The following GPC1 variants were observed in gnomAD, a reference collection of about 807,000 sequenced individuals.
GPC1 encodes the protein glypican-1.
In GPC1, 26 loss-of-function variants were observed where a neutral mutation model predicts 51.5. The observed-to-expected ratio is 0.50, with a 90% confidence interval of 0.37 to 0.70. The LOEUF is 0.70. Among genes scored for constraint, GPC1 ranks in the 30% least tolerant of loss-of-function variants. The pLI is 0.00. For missense variants in GPC1, 775 were observed against 800.5 expected (o/e 0.97, Z 0.38); for synonymous variants, 380 against 348.3 (o/e 1.09, Z -1.01).
intron 1 of GPC1, among the ~76,000 whole-genome samples, chr2:240,439,533 C>T (rs567845204): frequency 7.6e-4 from 116 of 152,356 alleles, no homozygotes; most frequent in Middle Eastern, 6.8e-3. Flanking sequence ...AGCACCCACT[C>T]GTTGGGCCCC....
At chr2:240,439,247 A>G (rs1159580073) in intron 1 of GPC1, among the ~76,000 whole-genome samples, 1 of 151,994 alleles carries the variant, frequency 6.6e-6, no homozygotes, top group African/African-American at 2.4e-5. Flanking sequence ...TTCTCGGAGG[A>G]CACCCCCAGG....
At chr2:240,442,441 G>C (rs1017682830) in intron 1 of GPC1, 1 of 152,270 alleles carries the variant, frequency 6.6e-6, no homozygotes, top group Admixed American at 6.5e-5. Context: ...CGTCCACCAG[G>C]CTGGCCCCTT....
At position 240,452,690 on chromosome 2, in the gene GPC1, C is replaced by T. The variant is rs938700727; in HGVS notation, c.167-6340C>T. On this transcript the variant is annotated intron_variant, in intron 1 of 8. Coordinates refer to ENST00000264039, the MANE Select transcript of GPC1 (RefSeq NM_002081.3). ...GGGCGCAGGGCGGCGGGGACCTGGC[C>T]GGAGGGGCCGGGGCGGCCGCCTGCG... 152 of 151,648 alleles carry T rather than the reference C, an allele frequency of 1.0e-3. 1 individual carries two copies. The highest frequency in any genetic ancestry group is 9.1e-3 in the South Asian group (46 of 5,034). The allele number at this position is 151,648 out of a possible 1,614,324, so 9.4% of individuals were successfully genotyped here.
At position 240,435,670 on chromosome 2, in the gene GPC1, CGGGACTGCGCTAGCCCGCCGCGCT is replaced by C. The variant is rs963095871; in HGVS notation, c.-248_-225del. 63 of 164,930 alleles carry C rather than the reference CGGGACTGCGCTAGCCCGCCGCGCT, an allele frequency of 3.8e-4. No individual in the cohort carries two copies. Among genetic ancestry groups the C allele is most frequent in the Non-Finnish European group, 5.7e-4 (44 of 77,656 alleles). 10.2% of individuals were successfully genotyped at this position (164,930 alleles called of 1,614,324 possible). A position where few individuals can be genotyped will look rare whatever the true frequency, so the allele number is the denominator to read the frequency against. The stretch of plus-strand genomic sequence containing the variant: ...GCCGGCGGCGGGGGAGGCGCCGAGC[CGGGACTGCGCTAGCCCGCCGCGCT>C]CTGGGCTGCCCGAGCGAGCGTTCGG... On this transcript the variant is annotated 5_prime_UTR_variant, in exon 1 of 9. Coordinates refer to ENST00000264039, the MANE Select transcript of GPC1 (RefSeq NM_002081.3).
chr2:240,463,107 C>T (rs1026272635), intron 3 of GPC1, among the ~76,000 whole-genome samples: 2 of 151,214 alleles, frequency 1.3e-5, no homozygotes, highest in Admixed American at 6.6e-5. Flanking sequence ...CCTTGGTTTC[C>T]TCAGCGGCAT....
chr2:240,463,292 G>A lies in GPC1; in HGVS notation c.718-55G>A, dbSNP rs6748792. The A allele has an allele frequency of 3.8e-3, 5,759 of 1,528,594 alleles. 177 individuals are homozygous for A. The African/African-American group carries it at 0.067, about 18-fold the overall frequency. The allele number at this position is 1,528,594 out of a possible 1,614,324, so 94.7% of individuals were successfully genotyped here. A position where few individuals can be genotyped will look rare whatever the true frequency, so the allele number is the denominator to read the frequency against. On this transcript the variant is annotated intron_variant, in intron 3 of 8. Transcript: ENST00000264039. ...CCTGGGGCTTCGTTAGGGGCTGGCC[G>A]GGGCCAGGCACCCCCAGGGCCTCGG...
chr2:240,465,944 TG>T, intron 8 of GPC1, 113 bp from the exon 9 acceptor site: 1 of 665,484 alleles, frequency 1.5e-6, no homozygotes, highest in Non-Finnish European at 2.6e-6. Context: ...CTGCTGGTCC[TG>T]GGATTCCACA....
At position 240,465,546 on chromosome 2, in the gene GPC1, A is replaced by G. The variant is rs763507133; in HGVS notation, c.1342A>G (p.Lys448Glu). The change falls in exon 8 of 9, where the codon AAG becomes GAG. Residue 448 changes from lysine to glutamate, a missense_variant. Physicochemically the swap from Lys to Glu is moderately conservative, Grantham distance 56. Coordinates refer to ENST00000264039, the MANE Select transcript of GPC1 (RefSeq NM_002081.3). ...NNPEVEVDITKPDMTIRQQIM... is the reference protein window; with the variant it reads ...NNPEVEVDITEPDMTIRQQIM... ...CCCCGAGGTGGAGGTGGACATCACCAAGCCGGACATGACCATCCGGCAGCA... is the reference window on the plus strand; with the variant it reads ...CCCCGAGGTGGAGGTGGACATCACCGAGCCGGACATGACCATCCGGCAGCA... The G allele has an allele frequency of 4.3e-6, 7 of 1,613,046 alleles. No homozygotes were observed. In the East Asian group the frequency reaches 1.6e-4, roughly 36 times the overall value.
At position 240,462,206 on chromosome 2, in the gene GPC1, T is replaced by C; in HGVS notation, c.341T>C (p.Leu114Pro). ...LRSFDDHFQH[L>P]LNDSERTLQA... The stretch of plus-strand genomic sequence containing the variant: ...CTGTGCGCAGACCACTTCCAGCACC[T>C]GCTGAACGACTCGGAGCGGACGCTG... Residue 114 changes from leucine (L) to proline (P), a missense_variant, in exon 3 of 9, where the codon CTG becomes CCG. Leu to Pro is a moderately conservative substitution (Grantham distance 98). Transcript: ENST00000264039. The C allele has an allele frequency of 6.3e-7, 1 of 1,599,456 alleles. No individual in the cohort carries two copies. The highest frequency in any genetic ancestry group is 8.5e-7 in the Non-Finnish European group (1 of 1,171,052).
Position 240,459,110 on chromosome 2 carries a change from G to A in GPC1, c.247G>A (p.Ala83Thr), listed in dbSNP as rs1338622780. ...MEENLANRSHAELETALRDSS... is the reference protein window; with the variant it reads ...MEENLANRSHTELETALRDSS... ...GGAGAACCTGGCCAACCGCAGCCATGCCGAGCTGGAGACCGCGCTCCGGGA... is the reference window on the plus strand; with the variant it reads ...GGAGAACCTGGCCAACCGCAGCCATACCGAGCTGGAGACCGCGCTCCGGGA... The change falls in exon 2 of 9, where the codon GCC becomes ACC. Residue 83 changes from alanine (A) to threonine (T), a missense_variant. Transcript: ENST00000264039. 6.2e-6 allele frequency: 10 copies of A among 1,612,732 alleles called. No individual in the cohort carries two copies. In the Admixed American group the frequency reaches 8.3e-5, roughly 13 times the overall value.
intron 1 of GPC1, chr2:240,451,186 G>T: frequency 2.1e-6 from 1 of 471,228 alleles, no homozygotes. Context: ...GGCACCCAAG[G>T]GTTTGCTCTG....
In GPC1 at chr2:240,462,054, C is replaced by G. The variant is rs2074220394; in HGVS notation, c.326-137C>G. On this transcript the variant is annotated intron_variant, in intron 2 of 8. Coordinates refer to ENST00000264039, the MANE Select transcript of GPC1 (RefSeq NM_002081.3). ...TGGATGCCCACAGGGCCCACAGCCGCTGCAGTGTGGCGTCCGACTCCGAGG... is the reference window on the plus strand; with the variant it reads ...TGGATGCCCACAGGGCCCACAGCCGGTGCAGTGTGGCGTCCGACTCCGAGG... 4 of 856,404 alleles carry G rather than the reference C, an allele frequency of 4.7e-6. No homozygotes were observed. The South Asian group carries it at 6.4e-5, about 14-fold the overall frequency. The allele number at this position is 856,404 out of a possible 1,614,324, so 53.1% of individuals were successfully genotyped here.
intron 1 of GPC1, chr2:240,450,456 AG>A: frequency 2.6e-6 from 1 of 390,508 alleles, no homozygotes; most frequent in Middle Eastern, 3.7e-4. Context: ...GACCTTGCAC[AG>A]GTCACTTTAG....
At chr2:240,454,697 T>G (rs2074139985) in intron 1 of GPC1, 1 of 152,804 alleles carries the variant, frequency 6.5e-6, no homozygotes. Context: ...TGACACTGAG[T>G]GTCTAGGACG....
At chr2:240,445,252 G>A (rs1198787898) in intron 1 of GPC1, among the ~76,000 whole-genome samples, 1 of 152,172 alleles carries the variant, frequency 6.6e-6, no homozygotes, top group Non-Finnish European at 1.5e-5. Context: ...AATTTGGGGT[G>A]AGGGGTGGCT....
intron 1 of GPC1, among the ~76,000 whole-genome samples, chr2:240,436,578 G>C (rs997559579): frequency 2.0e-5 from 3 of 152,278 alleles, no homozygotes; most frequent in Non-Finnish European, 4.4e-5. Flanking sequence ...ACCTCTCTGG[G>C]AGGCGTCTCC....
At chr2:240,464,294 G>T (rs992737708) in intron 4 of GPC1, 7 of 368,534 alleles carry the variant, frequency 1.9e-5, no homozygotes, top group South Asian at 1.3e-4. Flanking sequence ...GTGAGCCAGC[G>T]TATGTACATG....
chr2:240,444,890 C>T (rs980001702), intron 1 of GPC1, among the ~76,000 whole-genome samples: 5 of 152,176 alleles, frequency 3.3e-5, no homozygotes, highest in African/African-American at 1.2e-4. Context: ...CCATCCTTGG[C>T]TCTGGAGACT....
intron 1 of GPC1, among the ~76,000 whole-genome samples, chr2:240,447,342 GTGTGGT>G (rs2074057254): frequency 6.6e-6 from 1 of 152,336 alleles, no homozygotes; most frequent in South Asian, 2.1e-4. Flanking sequence ...CGGGGCCTCT[GTGTGGT>G]TGGGGCGACA....
Sources: allele counts gnomAD v4.1 joint callset (sites outside exome capture counted in the v4.1 genomes callset), GRCh38; gene constraint gnomAD v4.1.1; transcripts MANE v1.5; gene names NCBI Gene and HGNC (gene_info 2026-07-23, HGNC 2026-07-21).